The following CADPS variants were observed in gnomAD, a reference collection of about 807,000 sequenced individuals.
The protein encoded by CADPS is calcium dependent secretion activator, also known as calcium-dependent secretion activator 1.
A neutral mutation model predicts 167.3 loss-of-function variants in CADPS; 57 were observed. That is an observed-to-expected ratio of 0.34 (90% CI 0.28 to 0.42). CADPS has a LOEUF of 0.42. Ranked by LOEUF, CADPS falls within the 20% of genes least tolerant of loss-of-function variation. CADPS has a pLI of 1.00. For synonymous variants in CADPS, 676 were observed against 635.3 expected (o/e 1.06, Z -0.96); for missense variants, 1,414 against 1,738.1 (o/e 0.81, Z 3.32).
intron 22 of CADPS, among the ~76,000 whole-genome samples, chr3:62,480,231 A>G (rs915725185): frequency 2.0e-5 from 3 of 152,196 alleles, no homozygotes; most frequent in Non-Finnish European, 2.9e-5. Context: ...TTGAACGGAG[A>G]CCATTATCTG....
chr3:62,659,568 T>C (rs147583441), intron 4 of CADPS, among the ~76,000 whole-genome samples: 1 of 152,318 alleles, frequency 6.6e-6, no homozygotes, highest in Non-Finnish European at 1.5e-5. Context: ...TGGCTTTATT[T>C]TCTCATCATC....
rs1282964370 is a variant in CADPS at position 62,756,790 on chromosome 3, A to G, written c.556-3017T>C. Among the ~76,000 whole-genome samples, 5 of 152,184 alleles carry G rather than the reference A, an allele frequency of 3.3e-5. No individual in the cohort carries two copies. In the East Asian group the frequency reaches 7.7e-4, roughly 23 times the overall value. ...AGGAACAATACGTGTGAAGACCCCA[A>G]GTGCCTGAAGAAATAAGGAGGAGTC... On this transcript the variant is annotated intron_variant, in intron 2 of 29. Coordinates refer to ENST00000383710, the MANE Select transcript of CADPS (RefSeq NM_003716.4).
chr3:62,399,945 G>C lies in CADPS; in HGVS notation c.3883-360C>G, dbSNP rs934965394. On this transcript the variant is annotated intron_variant, in intron 29 of 29. Coordinates refer to ENST00000383710, the MANE Select transcript of CADPS (RefSeq NM_003716.4). The surrounding 1 kb of genome is among the most constrained non-coding windows in gnomAD (Gnocchi z 5.6). Reference sequence around the variant, plus strand: ...TAATGTAATATGATAGACACAGGAAGGGGCTATAATATATAAATAATGGAT... The same window carrying C: ...TAATGTAATATGATAGACACAGGAACGGGCTATAATATATAAATAATGGAT... 1.3e-5 allele frequency among the ~76,000 whole-genome samples: 2 copies of C among 152,158 alleles called. No individual in the cohort carries two copies. The highest frequency in any genetic ancestry group is 4.8e-5 in the African/African-American group (2 of 41,432).
intron 24 of CADPS, 45 bp from the exon 25 acceptor site, chr3:62,466,458 G>T: frequency 2.4e-6 from 3 of 1,236,460 alleles, no homozygotes; most frequent in South Asian, 1.2e-5. Flanking sequence ...GGGAGGTGAT[G>T]GCACTGCATC....
chr3:62,708,811 T>C (rs1191746239), intron 3 of CADPS, among the ~76,000 whole-genome samples: 1 of 151,968 alleles, frequency 6.6e-6, no homozygotes, highest in East Asian at 1.9e-4. Context: ...CTGCAGTAGC[T>C]GAACAGGATA....
rs1486785956 is a variant in CADPS at position 62,412,138 on chromosome 3, A to G, written c.3778-8953T>C. On this transcript the variant is annotated intron_variant, in intron 28 of 29. Coordinates refer to ENST00000383710, the MANE Select transcript of CADPS (RefSeq NM_003716.4). The surrounding 1 kb of genome is among the most constrained non-coding windows in gnomAD (Gnocchi z 4.1). ...CTGCCCTAAGTGTCATTTTTAGTTG[A>G]GGGTAGGATTTTTTTTTTTTTTTTT... 1.4e-5 allele frequency among the ~76,000 whole-genome samples: 2 copies of G among 140,168 alleles called. No individual in the cohort carries two copies. The highest frequency in any genetic ancestry group is 5.1e-5 in the African/African-American group (2 of 39,316). 92.0% of individuals were successfully genotyped at this position (140,168 alleles called of 152,430 possible).
intron 28 of CADPS, among the ~76,000 whole-genome samples, chr3:62,431,899 A>G (rs2054049107): frequency 6.6e-6 from 1 of 151,652 alleles, no homozygotes; most frequent in Admixed American, 6.6e-5. Context: ...GATTAAAAAA[A>G]ACACCACTGA....
chr3:62,597,593 G>T (rs1424797470), intron 6 of CADPS, among the ~76,000 whole-genome samples: 1 of 152,124 alleles, frequency 6.6e-6, no homozygotes, highest in Non-Finnish European at 1.5e-5. Flanking sequence ...CAGGATGCCT[G>T]AACCCCTGCT....
At chr3:62,517,397 C>T (rs1253086406) in intron 14 of CADPS, among the ~76,000 whole-genome samples, 1 of 152,144 alleles carries the variant, frequency 6.6e-6, no homozygotes, top group Non-Finnish European at 1.5e-5. Flanking sequence ...TAACCTCTCT[C>T]AGCCTCACTT....
At chr3:62,467,407 TAAAA>T (rs1353561557) in intron 24 of CADPS, 1 of 639,690 alleles carries the variant, frequency 1.6e-6, no homozygotes, top group Non-Finnish European at 2.2e-6. Context: ...AAAAATTAAA[TAAAA>T]TATTCAAAAG....
chr3:62,581,881 C>A (rs145251952), intron 8 of CADPS, among the ~76,000 whole-genome samples: 108 of 152,166 alleles, frequency 7.1e-4, no homozygotes, highest in African/African-American at 2.3e-3. Context: ...AAACACCATG[C>A]AGATATAAAA....
intron 3 of CADPS, among the ~76,000 whole-genome samples, chr3:62,694,997 A>G (rs183571959): frequency 1.3e-5 from 2 of 152,194 alleles, no homozygotes; most frequent in Admixed American, 1.3e-4. Flanking sequence ...ACATTCACAG[A>G]ATATTGTCTT....
chr3:62,811,764 G>A (rs543574344), intron 1 of CADPS, among the ~76,000 whole-genome samples: 9 of 152,282 alleles, frequency 5.9e-5, no homozygotes, highest in African/African-American at 2.2e-4. Context: ...TTGTTAGAAA[G>A]TATCTTCTCA....
intron 3 of CADPS, among the ~76,000 whole-genome samples, chr3:62,710,510 TG>T (rs1046938586): frequency 3.9e-5 from 6 of 152,146 alleles, no homozygotes; most frequent in Non-Finnish European, 8.8e-5. Flanking sequence ...TTTTTATATA[TG>T]GATCCACACA....
At chr3:62,709,210 T>C (rs1580876710) in intron 3 of CADPS, among the ~76,000 whole-genome samples, 1 of 152,004 alleles carries the variant, frequency 6.6e-6, no homozygotes, top group Admixed American at 6.5e-5. Flanking sequence ...ACACTAACTT[T>C]CCTCAGGGTC....
chr3:62,554,699 C>G (rs928152957), intron 10 of CADPS, among the ~76,000 whole-genome samples: 2 of 152,180 alleles, frequency 1.3e-5, no homozygotes, highest in Non-Finnish European at 2.9e-5. Flanking sequence ...CCTCTCCCTA[C>G]TTCTGGTTCA....
At chr3:62,530,576 A>G (rs997842736) in intron 13 of CADPS, 2 of 888,456 alleles carry the variant, frequency 2.3e-6, no homozygotes, top group Non-Finnish European at 2.9e-6. Context: ...GCAAAAGTGG[A>G]AGTGATGGCA....
At chr3:62,623,829 T>C (rs2063560913) in intron 6 of CADPS, among the ~76,000 whole-genome samples, 1 of 152,144 alleles carries the variant, frequency 6.6e-6, no homozygotes, top group South Asian at 2.1e-4. Flanking sequence ...TAAATTAAAA[T>C]GCTTTGATAT....
chr3:62,598,226 C>T (rs2059197360), intron 6 of CADPS, among the ~76,000 whole-genome samples: 1 of 152,142 alleles, frequency 6.6e-6, no homozygotes, highest in Non-Finnish European at 1.5e-5. Flanking sequence ...ATACAGGTCA[C>T]ATGCCCCTCA....
Sources: allele counts gnomAD v4.1 joint callset (sites outside exome capture counted in the v4.1 genomes callset), GRCh38; gene constraint gnomAD v4.1.1; non-coding constraint Gnocchi (gnomAD v3.1); transcripts MANE v1.5; gene names NCBI Gene and HGNC (gene_info 2026-07-23, HGNC 2026-07-21).